Variants in AKAP6 observed in about 807,000 individuals in gnomAD.
AKAP6 encodes A-kinase anchor protein 6.
AKAP6 carries 58 observed loss-of-function variants against 188.5 expected under a neutral mutation model. That is an observed-to-expected ratio of 0.31 (90% CI 0.25 to 0.38). The LOEUF is 0.38. AKAP6 is among the 10% of genes least tolerant of loss of function. The pLI, the probability that AKAP6 is intolerant of heterozygous loss-of-function variation, is 1.00. For missense variants in AKAP6, 2,710 were observed against 2,740.0 expected (o/e 0.99, Z 0.24); for synonymous variants, 989 against 998.6 (o/e 0.99, Z 0.18).
chr14:32,518,713 G>A (rs925363802), intron 2 of AKAP6, among the ~76,000 whole-genome samples: 7 of 152,152 alleles, frequency 4.6e-5, no homozygotes, highest in South Asian at 2.1e-4. Context: ...CCAAATCTAC[G>A]TCTGATTGGT....
chr14:32,612,547 TA>T (rs1294928907), intron 7 of AKAP6, among the ~76,000 whole-genome samples: 4 of 152,204 alleles, frequency 2.6e-5, no homozygotes, highest in African/African-American at 9.6e-5. Flanking sequence ...TGCCACTTGT[TA>T]TTTTTTTTGT....
At chr14:32,627,337 A>C (rs576147435) in intron 7 of AKAP6, among the ~76,000 whole-genome samples, 212 of 152,260 alleles carry the variant, frequency 1.4e-3, no homozygotes, top group Non-Finnish European at 1.9e-3. Flanking sequence ...TTCAATTTGT[A>C]GCCCAGTTTG....
At position 32,821,949 on chromosome 14, in the gene AKAP6, A is replaced by C. The variant is rs1051578117; in HGVS notation, c.4136A>C (p.Glu1379Ala). The change falls in exon 13 of 14, where the codon GAA (glutamate) becomes GCA (alanine). Residue 1379 changes from glutamate (E) to alanine (A), a missense_variant. By Grantham distance (107) the Glu-to-Ala change is moderately radical (BLOSUM62 -1). Coordinates refer to ENST00000280979, the MANE Select transcript of AKAP6 (RefSeq NM_004274.5). ...GACACAGAAACCACTACCAACTCTGAAATGTGCTTGCTCAATGCAGTGGAT... is the reference window on the plus strand; with the variant it reads ...GACACAGAAACCACTACCAACTCTGCAATGTGCTTGCTCAATGCAGTGGAT... ...EGDTETTTNS[E>A]MCLLNAVDGS... is the part of the protein sequence containing the mutation. The C allele has an allele frequency of 3.7e-6, 6 of 1,613,868 alleles. No homozygotes were observed. In the Admixed American group the frequency reaches 8.3e-5, roughly 22 times the overall value.
intron 1 of AKAP6, among the ~76,000 whole-genome samples, chr14:32,424,434 C>T (rs1413955551): frequency 1.3e-5 from 2 of 151,842 alleles, no homozygotes; most frequent in Non-Finnish European, 2.9e-5. Flanking sequence ...ATTCCTTCAC[C>T]TCCCTTCCAT....
chr14:32,588,116 T>C (rs1447050042), intron 5 of AKAP6, among the ~76,000 whole-genome samples: 1 of 152,212 alleles, frequency 6.6e-6, no homozygotes, highest in African/African-American at 2.4e-5. Context: ...GGGTAACCAA[T>C]GTAAATAGTT....
At chr14:32,431,284 T>G (rs1337979721) in intron 1 of AKAP6, among the ~76,000 whole-genome samples, 3 of 152,122 alleles carry the variant, frequency 2.0e-5, no homozygotes, top group Non-Finnish European at 4.4e-5. Flanking sequence ...TAAAACTGAA[T>G]GCAAGCATGG....
Position 32,630,659 on chromosome 14 carries a change from T to A in AKAP6, c.2730+29867T>A, listed in dbSNP as rs142675517. ...CGAGCCTCTAATGTTCTTTGAAATT[T>A]GAGGTAAAGGGTAGGTAAGCCCTTC... On this transcript the variant is annotated intron_variant, in intron 7 of 13. Transcript: ENST00000280979. Among the ~76,000 whole-genome samples, 672 of 152,166 alleles carry A rather than the reference T, an allele frequency of 4.4e-3. 25 individuals are homozygous for A. Among genetic ancestry groups the A allele is most frequent in the Non-Finnish European group, 8.7e-4 (59 of 67,982 alleles).
intron 2 of AKAP6, among the ~76,000 whole-genome samples, chr14:32,457,363 C>G (rs1891180526): frequency 6.6e-6 from 1 of 152,166 alleles, no homozygotes; most frequent in Admixed American, 6.5e-5. Context: ...CCTATTACAT[C>G]TTCTTCACTG....
At chr14:32,371,231 A>G (rs1431583339) in intron 1 of AKAP6, among the ~76,000 whole-genome samples, 1 of 152,224 alleles carries the variant, frequency 6.6e-6, no homozygotes, top group Non-Finnish European at 1.5e-5. Context: ...ACATATGTCA[A>G]AAGTCACCTT....
At chr14:32,353,052 CA>C (rs1379237459) in intron 1 of AKAP6, among the ~76,000 whole-genome samples, 1 of 125,660 alleles carries the variant, frequency 8.0e-6, no homozygotes, top group East Asian at 2.6e-4. Flanking sequence ...TTCATACCAG[CA>C]TTTTTTTTTT....
intron 2 of AKAP6, among the ~76,000 whole-genome samples, chr14:32,465,271 G>A (rs773735932): frequency 1.9e-4 from 29 of 152,250 alleles, no homozygotes; most frequent in African/African-American, 6.3e-4. Context: ...AAAAGAGCCC[G>A]CACAGCCAAG....
intron 2 of AKAP6, among the ~76,000 whole-genome samples, chr14:32,455,708 C>T (rs1891125239): frequency 6.6e-6 from 1 of 152,146 alleles, no homozygotes. Context: ...GATGTTGTTG[C>T]TAGGGGAACA....
At chr14:32,526,476 G>A (rs7159560) in intron 2 of AKAP6, among the ~76,000 whole-genome samples, 3,304 of 152,056 alleles carry the variant, frequency 0.022, 75 homozygotes, top group African/African-American at 0.06. Flanking sequence ...CAAGTGATCC[G>A]CCCACCTTAG....
chr14:32,581,050 T>C (rs1884945709), intron 5 of AKAP6, among the ~76,000 whole-genome samples: 1 of 152,226 alleles, frequency 6.6e-6, no homozygotes, highest in Non-Finnish European at 1.5e-5. Flanking sequence ...TGATTTAAAG[T>C]CCTTTGGGTA....
In AKAP6 at chr14:32,384,591, G is replaced by T. The variant is rs146430234; in HGVS notation, c.-34-48869G>T. On this transcript the variant is annotated intron_variant, in intron 1 of 13. Transcript: ENST00000280979. ...TTTGTTTAATACGTGGCAGAGCTAA[G>T]ACCAGAACCTCAGTTTCCTAGCCTC... is the stretch of plus-strand genomic sequence containing the variant. 3.1e-3 allele frequency among the ~76,000 whole-genome samples: 466 copies of T among 152,286 alleles called. 4 individuals are homozygous for T. Among genetic ancestry groups the T allele is most frequent in the African/African-American group, 1.0e-2 (415 of 41,564 alleles).
intron 1 of AKAP6, among the ~76,000 whole-genome samples, chr14:32,367,823 C>G (rs8021057): frequency 2.6e-5 from 4 of 152,080 alleles, no homozygotes; most frequent in East Asian, 1.9e-4. Context: ...AGCTACTTCA[C>G]TCATTACTAC....
chr14:32,597,759 A>G (rs939339781), intron 5 of AKAP6, among the ~76,000 whole-genome samples: 49 of 152,294 alleles, frequency 3.2e-4, no homozygotes, highest in African/African-American at 1.1e-3. Context: ...GAAATGATTC[A>G]TCATTCTGGA....
chr14:32,540,168 C>CTCTCTCTCTCTA (rs1240063339), intron 3 of AKAP6, among the ~76,000 whole-genome samples: 16 of 60,920 alleles, frequency 2.6e-4, no homozygotes, highest in African/African-American at 9.8e-4. Context: ...CTCTCTCTCT[C>CTCTCTCTCTCTA]TATATATATA....
rs59039609 is a variant in AKAP6, at chr14:32,716,665, TTATC to T, written c.3001-15755_3001-15752del. Among the ~76,000 whole-genome samples the T allele has an allele frequency of 6.4e-3, 924 of 143,596 alleles. 9 individuals carry two copies. The highest frequency in any genetic ancestry group is 0.013 in the African/African-American group (498 of 39,146). The allele number at this position is 143,596 out of a possible 152,430, so 94.2% of individuals were successfully genotyped here. A position where few individuals can be genotyped will look rare whatever the true frequency, so the allele number is the denominator to read the frequency against. On this transcript the variant is annotated intron_variant, in intron 9 of 13. Transcript: ENST00000280979. ...TTAATTATATATTATATGGTATACA[TTATC>T]TATCTATCTATCTATCTATCTATCT...
Sources: gnomAD v4.1 joint callset for allele counts (sites outside exome capture counted in the v4.1 genomes callset) on GRCh38, gnomAD v4.1.1 for gene constraint, MANE v1.5 for transcripts, NCBI Gene and HGNC (gene_info 2026-07-23, HGNC 2026-07-21) for gene names.